Variants in DTNB observed in about 807,000 individuals in gnomAD.
DTNB encodes the protein dystrobrevin beta.
In DTNB, 63 loss-of-function variants were observed where a neutral mutation model predicts 90.7. The observed-to-expected ratio is 0.69, with a 90% CI of 0.57 to 0.86. DTNB has a LOEUF of 0.86. DTNB is among the 40% of genes least tolerant of loss of function. The pLI, the probability that DTNB is intolerant of heterozygous loss-of-function variation, is 0.00. For synonymous variants in DTNB, 277 were observed against 286.7 expected (o/e 0.97, Z 0.34); for missense variants, 744 against 807.1 (o/e 0.92, Z 0.95).
intron 6 of DTNB, among the ~76,000 whole-genome samples, chr2:25,593,254 G>A (rs920165973): frequency 1.4e-4 from 21 of 152,182 alleles, no homozygotes; most frequent in African/African-American, 5.1e-4. Context: ...AATGCTGGGG[G>A]AAAGTGCATA....
At chr2:25,588,687 A>T (rs574514966) in intron 6 of DTNB, among the ~76,000 whole-genome samples, 4 of 152,104 alleles carry the variant, frequency 2.6e-5, no homozygotes, top group East Asian at 3.9e-4. Flanking sequence ...AAATGACAAC[A>T]CATGTAGTGC....
At chr2:25,428,597 T>A (rs996177053) in intron 14 of DTNB, among the ~76,000 whole-genome samples, 8 of 152,004 alleles carry the variant, frequency 5.3e-5, no homozygotes, top group African/African-American at 1.2e-4. Context: ...CATGCCCAGT[T>A]AATTTTTGTA....
intron 15 of DTNB, among the ~76,000 whole-genome samples, chr2:25,422,085 C>T (rs1230246502): frequency 6.6e-6 from 1 of 152,294 alleles, no homozygotes; most frequent in African/African-American, 2.4e-5. Context: ...GTCTGAGAAC[C>T]TCTGTGTTAT....
intron 1 of DTNB, among the ~76,000 whole-genome samples, chr2:25,659,005 G>A (rs2082618351): frequency 1.3e-5 from 2 of 151,642 alleles, no homozygotes; most frequent in South Asian, 4.2e-4. Context: ...TCAAGCAATC[G>A]TCCCACCCCT....
intron 9 of DTNB, among the ~76,000 whole-genome samples, chr2:25,487,418 T>C (rs1331686031): frequency 6.6e-6 from 1 of 152,228 alleles, no homozygotes; most frequent in Non-Finnish European, 1.5e-5. Flanking sequence ...TAGAGAGGAC[T>C]TAAAGTATAT....
At chr2:25,584,567 T>C (rs1292170758) in intron 6 of DTNB, among the ~76,000 whole-genome samples, 3 of 152,168 alleles carry the variant, frequency 2.0e-5, no homozygotes, top group Admixed American at 6.5e-5. Context: ...TTTTACTTTT[T>C]TTTTTTTGAG....
chr2:25,473,430 G>A (rs1388945840), intron 10 of DTNB, among the ~76,000 whole-genome samples: 7 of 152,216 alleles, frequency 4.6e-5, no homozygotes, highest in African/African-American at 1.4e-4. Flanking sequence ...ACATATTTCA[G>A]TGAAAAGCCC....
chr2:25,667,732 T>G (rs1475746773), intron 1 of DTNB, among the ~76,000 whole-genome samples: 5 of 152,186 alleles, frequency 3.3e-5, no homozygotes, highest in Non-Finnish European at 5.9e-5. Flanking sequence ...GCTTGATATA[T>G]TCTTACCATT....
At chr2:25,604,021 C>T (rs766206161) in intron 5 of DTNB, among the ~76,000 whole-genome samples, 1 of 152,126 alleles carries the variant, frequency 6.6e-6, no homozygotes, top group Non-Finnish European at 1.5e-5. Context: ...CACTTTAAAT[C>T]CTTATTTTAA....
intron 10 of DTNB, among the ~76,000 whole-genome samples, chr2:25,462,032 G>T (rs565976311): frequency 2.2e-4 from 33 of 152,320 alleles, no homozygotes; most frequent in African/African-American, 7.5e-4. Flanking sequence ...TCTTGAATGG[G>T]ACTGGTAGAG....
At chr2:25,534,089 A>G (rs1483579433) in intron 8 of DTNB, among the ~76,000 whole-genome samples, 2 of 152,084 alleles carry the variant, frequency 1.3e-5, no homozygotes, top group Non-Finnish European at 1.5e-5. Flanking sequence ...TGGAGAGGTC[A>G]GCAGATAAAC....
chr2:25,507,237 C>A (rs957338436), intron 9 of DTNB, among the ~76,000 whole-genome samples: 1 of 152,138 alleles, frequency 6.6e-6, no homozygotes, highest in African/African-American at 2.4e-5. Flanking sequence ...ACTTTTGGAT[C>A]CAGCAGTACT....
At chr2:25,616,876 G>A (rs2070762763) in intron 4 of DTNB, among the ~76,000 whole-genome samples, 1 of 137,250 alleles carries the variant, frequency 7.3e-6, no homozygotes, top group East Asian at 2.4e-4. Flanking sequence ...AGCTTGCAGT[G>A]AGCCGAGATC....
intron 2 of DTNB, among the ~76,000 whole-genome samples, chr2:25,641,905 C>T (rs2078395543): frequency 6.6e-6 from 1 of 152,180 alleles, no homozygotes; most frequent in Admixed American, 6.5e-5. Context: ...ACTGCAAGCT[C>T]TGCCTCCCGG....
intron 16 of DTNB, among the ~76,000 whole-genome samples, chr2:25,413,470 G>A (rs896985171): frequency 2.2e-5 from 3 of 136,368 alleles, no homozygotes; most frequent in African/African-American, 8.4e-5. Context: ...CTGTGTCCAA[G>A]TGTTCTCACT....
intron 10 of DTNB, among the ~76,000 whole-genome samples, chr2:25,474,096 A>C (rs2063311432): frequency 6.6e-6 from 1 of 152,194 alleles, no homozygotes; most frequent in Non-Finnish European, 1.5e-5. Context: ...TTCTGTTTGT[A>C]CTAATCTGAG....
Position 25,594,938 on chromosome 2 carries a change from C to T in DTNB, c.603+1148G>A, listed in dbSNP as rs939098066. On this transcript the variant is annotated intron_variant, in intron 6 of 20. Coordinates refer to ENST00000406818, the MANE Select transcript of DTNB (RefSeq NM_021907.5). ...TTTTTCCAATTGTCCCAATAACGTCCGTTATAGCAACAGAAAATCCTGGCT... is the reference window on the plus strand; with the variant it reads ...TTTTTCCAATTGTCCCAATAACGTCTGTTATAGCAACAGAAAATCCTGGCT... The T allele has an allele frequency of 3.9e-5, 6 of 152,206 alleles. No individual in the cohort carries two copies. In the East Asian group the frequency reaches 9.6e-4, roughly 24 times the overall value. The allele number at this position is 152,206 out of a possible 1,614,324, so 9.4% of individuals were successfully genotyped here.
rs888098216 is a variant in DTNB at position 25,649,105 on chromosome 2, C to T, written c.67+3489G>A. Among the ~76,000 whole-genome samples the T allele has an allele frequency of 1.1e-4, 16 of 149,188 alleles. No homozygotes were observed. The East Asian group carries it at 2.2e-3, about 21-fold the overall frequency. On this transcript the variant is annotated intron_variant, in intron 2 of 20. Coordinates refer to ENST00000406818, the MANE Select transcript of DTNB (RefSeq NM_021907.5). ...CTGCAAGCTCCGCCTCCCAGGTTCA[C>T]GCCATTCTCCTGCCTCAGCCTCCCA...
intron 8 of DTNB, chr2:25,558,123 G>C: frequency 1.2e-6 from 1 of 864,248 alleles, no homozygotes. Context: ...AAGGCTTAAT[G>C]AGTAATTAAC....
Sources: allele counts gnomAD v4.1 joint callset (sites outside exome capture counted in the v4.1 genomes callset), GRCh38; gene constraint gnomAD v4.1.1; transcripts MANE v1.5; gene names NCBI Gene and HGNC (gene_info 2026-07-23, HGNC 2026-07-21).